LSM3: variants seen among roughly 807,000 people sequenced by gnomAD.
LSM3 encodes LSM3 homolog, U6 small nuclear RNA and mRNA degradation associated.
A neutral mutation model predicts 15.4 loss-of-function variants in LSM3; 14 were observed. The ratio of observed to expected loss-of-function variants is 0.91; its 90% confidence interval spans 0.60 to 1.42. The LOEUF (loss-of-function observed/expected upper bound fraction) is 1.42. Among genes scored for constraint, LSM3 ranks in the 40% most tolerant of loss-of-function variants. The pLI is 0.00. For synonymous variants in LSM3, 46 were observed against 45.1 expected (o/e 1.02, Z -0.08); for missense variants, 88 against 127.9 (o/e 0.69, Z 1.50).
intron 3 of LSM3, among the ~76,000 whole-genome samples, chr3:14,184,680 C>T (rs1355211468): frequency 6.6e-6 from 1 of 150,612 alleles, no homozygotes; most frequent in Admixed American, 6.6e-5. Flanking sequence ...TGGCGTGAAC[C>T]CGGGAGGCGG....
At chr3:14,189,459 C>G (rs1697119244) in intron 3 of LSM3, among the ~76,000 whole-genome samples, 1 of 152,198 alleles carries the variant, frequency 6.6e-6, no homozygotes, top group South Asian at 2.1e-4. Context: ...ACCTCTCCAG[C>G]ATCTGTTGTT....
intron 1 of LSM3, among the ~76,000 whole-genome samples, chr3:14,180,847 TTTTTTTTTTTAAA>T (rs1697030274): frequency 1.8e-4 from 15 of 83,034 alleles, no homozygotes; most frequent in African/African-American, 7.5e-4. Flanking sequence ...TTTTTTTTTT[TTTTTTTTTTTAAA>T]AAAAAAAAAG....
chr3:14,198,169 C>A lies in LSM3; in HGVS notation c.*53C>A. On this transcript the variant is annotated 3_prime_UTR_variant, in exon 4 of 4. Coordinates refer to ENST00000306024, the MANE Select transcript of LSM3 (RefSeq NM_014463.3). Reference sequence around the variant, plus strand: ...CGGGAGACTTTGTACAGTGGCCTCTCTAAAAGTACAAAACATTCATAAGAG... The same window carrying A: ...CGGGAGACTTTGTACAGTGGCCTCTATAAAAGTACAAAACATTCATAAGAG... The A allele has an allele frequency of 7.6e-7, 1 of 1,313,174 alleles. No individual in the cohort carries two copies. The highest frequency in any genetic ancestry group is 1.1e-6 in the Non-Finnish European group (1 of 911,438). 81.3% of individuals were successfully genotyped at this position (1,313,174 alleles called of 1,614,324 possible). A position where few individuals can be genotyped will look rare whatever the true frequency, so the allele number is the denominator to read the frequency against.
intron 1 of LSM3, among the ~76,000 whole-genome samples, chr3:14,180,731 G>A (rs1697026561): frequency 6.7e-6 from 1 of 149,764 alleles, no homozygotes; most frequent in African/African-American, 2.5e-5. Flanking sequence ...AATTACAGAT[G>A]GCATGATTTT....
At chr3:14,192,828 G>C (rs1697152961) in intron 3 of LSM3, among the ~76,000 whole-genome samples, 2 of 152,206 alleles carry the variant, frequency 1.3e-5, no homozygotes, top group Admixed American at 1.3e-4. Flanking sequence ...TATGATGCTA[G>C]CTGGTTGTTT....
At chr3:14,179,377 C>G (rs773770233) in intron 1 of LSM3, among the ~76,000 whole-genome samples, 8 of 152,272 alleles carry the variant, frequency 5.3e-5, no homozygotes, top group Middle Eastern at 6.8e-3. Context: ...GTAAGACTTC[C>G]AGGAACTGTG....
At chr3:14,192,795 A>G (rs1487391312) in intron 3 of LSM3, among the ~76,000 whole-genome samples, 3 of 152,152 alleles carry the variant, frequency 2.0e-5, no homozygotes, top group Non-Finnish European at 4.4e-5. Context: ...TAATAGTGTT[A>G]TGTGTGAATT....
At chr3:14,193,262 T>G (rs1280518016) in intron 3 of LSM3, among the ~76,000 whole-genome samples, 1 of 152,190 alleles carries the variant, frequency 6.6e-6, no homozygotes, top group East Asian at 1.9e-4. Context: ...GTCTTGGGGT[T>G]GTTCTTCTTG....
intron 3 of LSM3, among the ~76,000 whole-genome samples, chr3:14,193,232 G>A (rs1375382314): frequency 6.6e-6 from 1 of 152,112 alleles, no homozygotes; most frequent in Non-Finnish European, 1.5e-5. Flanking sequence ...TTTCAACCTC[G>A]GTGAATCTGA....
intron 3 of LSM3, among the ~76,000 whole-genome samples, chr3:14,186,680 AT>A (rs572101444): frequency 2.0e-5 from 3 of 151,968 alleles, no homozygotes; most frequent in African/African-American, 2.4e-5. Flanking sequence ...TAAAATCTGC[AT>A]TTTTTCCCCT....
At chr3:14,186,267 G>A (rs1463666742) in intron 3 of LSM3, among the ~76,000 whole-genome samples, 1 of 152,228 alleles carries the variant, frequency 6.6e-6, no homozygotes, top group Non-Finnish European at 1.5e-5. Context: ...TGTGGGCTCA[G>A]AGTACAAGAC....
chr3:14,179,509 A>G (rs766996421), intron 1 of LSM3, among the ~76,000 whole-genome samples: 2 of 152,130 alleles, frequency 1.3e-5, no homozygotes, highest in Admixed American at 6.5e-5. Flanking sequence ...TAAACTTTCT[A>G]CTGAAATCTG....
chr3:14,191,829 G>A (rs1402523798), intron 3 of LSM3, among the ~76,000 whole-genome samples: 1 of 151,798 alleles, frequency 6.6e-6, no homozygotes, highest in Non-Finnish European at 1.5e-5. Context: ...TCTAGCTTTT[G>A]ATTTGTTTGC....
intron 3 of LSM3, among the ~76,000 whole-genome samples, chr3:14,193,279 A>G (rs776176308): frequency 6.6e-6 from 1 of 152,102 alleles, no homozygotes; most frequent in African/African-American, 2.4e-5. Flanking sequence ...CTTGAGGAGT[A>G]TCTTTGTGGT....
At chr3:14,182,724 G>A (rs1227721033) in intron 2 of LSM3, among the ~76,000 whole-genome samples, 1 of 152,180 alleles carries the variant, frequency 6.6e-6, no homozygotes, top group East Asian at 1.9e-4. Flanking sequence ...AGCATTTTGT[G>A]TGTGATATCT....
chr3:14,181,413 A>C, intron 1 of LSM3, 147 bp from the exon 2 acceptor site: 1 of 631,568 alleles, frequency 1.6e-6, no homozygotes. Flanking sequence ...AAACAGTATT[A>C]GGTAGACACT....
At chr3:14,184,810 C>T (rs538128148) in intron 3 of LSM3, among the ~76,000 whole-genome samples, 5 of 151,746 alleles carry the variant, frequency 3.3e-5, no homozygotes, top group Admixed American at 2.0e-4. Context: ...AATCCTAGCA[C>T]TTTGGGAGGC....
At chr3:14,195,019 C>T (rs1697175625) in intron 3 of LSM3, among the ~76,000 whole-genome samples, 1 of 152,074 alleles carries the variant, frequency 6.6e-6, no homozygotes, top group Non-Finnish European at 1.5e-5. Context: ...TAAACATGTA[C>T]TGGCTCAGCA....
At chr3:14,191,338 G>C (rs1397497143) in intron 3 of LSM3, among the ~76,000 whole-genome samples, 1 of 152,188 alleles carries the variant, frequency 6.6e-6, no homozygotes, top group East Asian at 1.9e-4. Flanking sequence ...CTATTGTTTG[G>C]AATAGTTTTA....
Sources: gnomAD v4.1 joint callset for allele counts (sites outside exome capture counted in the v4.1 genomes callset) on GRCh38, gnomAD v4.1.1 for gene constraint, MANE v1.5 for transcripts, NCBI Gene and HGNC (gene_info 2026-07-23, HGNC 2026-07-21) for gene names.